MGAT4C: variants seen among roughly 807,000 people sequenced by gnomAD.
The protein encoded by MGAT4C is MGAT4 family member C.
MGAT4C carries 19 observed loss-of-function variants against 40.1 expected under a neutral mutation model. The observed-to-expected ratio is 0.47, with a 90% CI of 0.33 to 0.70. MGAT4C has a LOEUF of 0.70. MGAT4C is among the 30% of genes least tolerant of loss of function. The pLI is 0.02. For missense variants in MGAT4C, 491 were observed against 563.2 expected, an observed-to-expected ratio of 0.87 and a Z score of 1.30; for synonymous variants, 181 against 187.1, an observed-to-expected ratio of 0.97 and a Z score of 0.27.
At chr12:86,019,041 A>T (rs1263447584) in intron 2 of MGAT4C, among the ~76,000 whole-genome samples, 1 of 152,038 alleles carries the variant, frequency 6.6e-6, no homozygotes. Context: ...TTTTTCTGTG[A>T]GCTGAAAAAG....
chr12:86,073,401 T>C (rs1388604790), intron 1 of MGAT4C, among the ~76,000 whole-genome samples: 1 of 152,210 alleles, frequency 6.6e-6, no homozygotes, highest in Non-Finnish European at 1.5e-5. Context: ...GTTCTAAAGA[T>C]ACCTGAAAAT....
chr12:86,066,159 T>C (rs1894520767), intron 1 of MGAT4C, among the ~76,000 whole-genome samples: 1 of 152,126 alleles, frequency 6.6e-6, no homozygotes, highest in African/African-American at 2.4e-5. Context: ...GATTCAATGC[T>C]ATCCCCATCA....
rs1343148043 is a variant in MGAT4C at position 86,169,749 on chromosome 12, T to C, written c.-57+86490A>G. Among the ~76,000 whole-genome samples the C allele has an allele frequency of 2.0e-5, 3 of 152,128 alleles. No homozygotes were observed. The East Asian group carries it at 5.8e-4, about 29-fold the overall frequency. On this transcript the variant is annotated intron_variant, in intron 1 of 4. Coordinates refer to ENST00000611864, the MANE Select transcript of MGAT4C (RefSeq NM_001351288.2). ...ATCAATAATTCAGATCAACCTCTTC[T>C]GATAGAGTTTCCTTTTACCTTTGAG... is the stretch of plus-strand genomic sequence containing the variant.
At chr12:86,492,508 T>C (rs1433018948) in intron 2 of MGAT4C, among the ~76,000 whole-genome samples, 1 of 152,204 alleles carries the variant, frequency 6.6e-6, no homozygotes. Context: ...TACAGCTATC[T>C]GATCTTTGAC....
chr12:86,603,702 T>A (rs1441054946), intron 2 of MGAT4C, among the ~76,000 whole-genome samples: 8 of 131,404 alleles, frequency 6.1e-5, no homozygotes, highest in African/African-American at 2.3e-4. Context: ...CTATATATTA[T>A]CTATAGTCTA....
intron 4 of MGAT4C, among the ~76,000 whole-genome samples, chr12:86,275,136 A>G (rs989878974): frequency 1.3e-5 from 2 of 152,226 alleles, no homozygotes; most frequent in African/African-American, 4.8e-5. Flanking sequence ...CATTCAGAAC[A>G]AGTATGAAAT....
At chr12:86,716,392 C>T (rs1950645351) in intron 2 of MGAT4C, among the ~76,000 whole-genome samples, 1 of 151,894 alleles carries the variant, frequency 6.6e-6, no homozygotes, top group African/African-American at 2.4e-5. Context: ...TTTTTTATTC[C>T]TTTTGGTGGT....
At chr12:86,317,616 T>C (rs1040095629) in intron 4 of MGAT4C, among the ~76,000 whole-genome samples, 1 of 152,084 alleles carries the variant, frequency 6.6e-6, no homozygotes, top group Admixed American at 6.6e-5. Context: ...TTATTTTATG[T>C]AGATAACAAA....
intron 1 of MGAT4C, among the ~76,000 whole-genome samples, chr12:86,056,983 T>C (rs1203999896): frequency 1.3e-5 from 2 of 152,070 alleles, no homozygotes; most frequent in Non-Finnish European, 2.9e-5. Flanking sequence ...ATACTAATAT[T>C]GGAGAAAATA....
intron 2 of MGAT4C, among the ~76,000 whole-genome samples, chr12:86,026,113 C>T (rs562182513): frequency 6.6e-6 from 1 of 151,660 alleles, no homozygotes; most frequent in Non-Finnish European, 1.5e-5. Flanking sequence ...ACTGTGGTAA[C>T]AAAGTAAGTG....
At chr12:86,724,314 A>G (rs1212419849) in intron 2 of MGAT4C, among the ~76,000 whole-genome samples, 1 of 152,180 alleles carries the variant, frequency 6.6e-6, no homozygotes, top group Non-Finnish European at 1.5e-5. Context: ...CCAAATTGTA[A>G]TGCTTTAATG....
intron 3 of MGAT4C, among the ~76,000 whole-genome samples, chr12:86,400,010 G>C (rs76605769): frequency 0.011 from 1,701 of 152,276 alleles, 26 homozygotes; most frequent in African/African-American, 0.039. Context: ...ATTGGCATTG[G>C]AAGTTCAGGG....
At chr12:86,719,164 C>T (rs1950698080) in intron 2 of MGAT4C, among the ~76,000 whole-genome samples, 1 of 152,166 alleles carries the variant, frequency 6.6e-6, no homozygotes, top group Non-Finnish European at 1.5e-5. Flanking sequence ...GCATGGTCCA[C>T]CTTCGTATCA....
chr12:86,139,188 A>G (rs1332850853), intron 1 of MGAT4C, among the ~76,000 whole-genome samples: 1 of 152,156 alleles, frequency 6.6e-6, no homozygotes, highest in African/African-American at 2.4e-5. Flanking sequence ...TTTAGAAATT[A>G]TAAAAATCAT....
At chr12:86,630,803 A>C (rs1301859484) in intron 2 of MGAT4C, among the ~76,000 whole-genome samples, 1 of 152,184 alleles carries the variant, frequency 6.6e-6, no homozygotes, top group Non-Finnish European at 1.5e-5. Flanking sequence ...ATCATACTGA[A>C]TGGGCAAAAA....
intron 3 of MGAT4C, among the ~76,000 whole-genome samples, chr12:86,413,335 C>T (rs1956643465): frequency 6.6e-6 from 1 of 152,074 alleles, no homozygotes; most frequent in Non-Finnish European, 1.5e-5. Context: ...GGCAAAGAAG[C>T]TTGTTCAGAG....
rs767065377 is a variant in MGAT4C at position 86,537,337 on chromosome 12, G to A, written c.-228-102072C>T. Among the ~76,000 whole-genome samples, 65 of 151,782 alleles carry A rather than the reference G, an allele frequency of 4.3e-4. 3 individuals carry two copies. Among genetic ancestry groups the A allele is most frequent in the Admixed American group, 4.1e-3 (63 of 15,232 alleles). ...GTATACATATGTAACAAACCTGCAC[G>A]TTGTGCTCATGCATCCTAAAACTTA... On this transcript the variant is annotated intron_variant, in intron 2 of 7. Coordinates refer to the MGAT4C transcript ENST00000548651.
rs1882830971 is a variant in MGAT4C at position 85,957,050 on chromosome 12, G to A, written c.*22239C>T. 6.6e-6 allele frequency: 1 copy of A among 152,140 alleles called. No homozygotes were observed. Among genetic ancestry groups the A allele is most frequent in the South Asian group, 2.1e-4 (1 of 4,828 alleles). 9.4% of individuals were successfully genotyped at this position (152,140 alleles called of 1,614,324 possible). A position where few individuals can be genotyped will look rare whatever the true frequency, so the allele number is the denominator to read the frequency against. On this transcript the variant is annotated 3_prime_UTR_variant, in exon 5 of 5. Coordinates refer to ENST00000611864, the MANE Select transcript of MGAT4C (RefSeq NM_001351288.2). ...ACATAAAATGAGAGTATGTAGATGCGAGCCCTTTGCTGCTGGCAAAGCTTT... is the reference window on the plus strand; with the variant it reads ...ACATAAAATGAGAGTATGTAGATGCAAGCCCTTTGCTGCTGGCAAAGCTTT...
intron 1 of MGAT4C, among the ~76,000 whole-genome samples, chr12:86,796,817 G>C (rs1952131862): frequency 6.6e-6 from 1 of 151,592 alleles, no homozygotes; most frequent in Admixed American, 6.6e-5. Flanking sequence ...AACTATTTGA[G>C]GAAATGCATA....
Sources: gnomAD v4.1 joint callset for allele counts (sites outside exome capture counted in the v4.1 genomes callset) on GRCh38, gnomAD v4.1.1 for gene constraint, MANE v1.5 for transcripts, NCBI Gene and HGNC (gene_info 2026-07-23, HGNC 2026-07-21) for gene names.